Variants in TASP1 observed in about 807,000 individuals in gnomAD.
The protein encoded by TASP1 is taspase 1.
Under a neutral mutation model 56.6 loss-of-function variants are expected in TASP1, and 16 were observed. The observed-to-expected ratio is 0.28, with a 90% CI of 0.19 to 0.43. The LOEUF (loss-of-function observed/expected upper bound fraction) is 0.43. Among genes scored for constraint, TASP1 ranks in the 20% least tolerant of loss-of-function variants. The probability of loss-of-function intolerance (pLI) is 1.00; values close to 1 mark genes in which losing one functional copy is unlikely to be tolerated. For missense variants in TASP1, 393 were observed against 511.6 expected (o/e 0.77, Z 2.24); for synonymous variants, 179 against 184.2 (o/e 0.97, Z 0.23).
chr20:13,517,433 A>T (rs2044582631), intron 10 of TASP1, among the ~76,000 whole-genome samples: 1 of 152,154 alleles, frequency 6.6e-6, no homozygotes, highest in South Asian at 2.1e-4. Flanking sequence ...ATACATAAAA[A>T]TGTTCATTAT....
the TASP1 span, among the ~76,000 whole-genome samples, chr20:13,331,860 T>C: frequency 6.6e-6 from 1 of 152,196 alleles, no homozygotes; most frequent in Non-Finnish European, 1.5e-5. Flanking sequence ...CACCATGCAA[T>C]ATTCTGTGAC....
At chr20:13,220,926 CT>C in the TASP1 span, among the ~76,000 whole-genome samples, 3 of 151,778 alleles carry the variant, frequency 2.0e-5, no homozygotes, top group Non-Finnish European at 1.5e-5. Context: ...TGCACAAGGG[CT>C]CTACCCGCGC....
Position 13,496,822 on chromosome 20 carries a change from A to T in TASP1, c.875-13485T>A, listed in dbSNP as rs139778788. 3.4e-4 allele frequency among the ~76,000 whole-genome samples: 52 copies of T among 152,332 alleles called. 3 individuals carry two copies. The East Asian group carries it at 0.01, about 29-fold the overall frequency. ...CACTGTAATAACAATAGCAAGCCAG[A>T]TAAGCTACAGTCATGGGTTTTTTAA... On this transcript the variant is annotated intron_variant, in intron 10 of 13. Transcript: ENST00000337743.
chr20:13,132,785 TC>T, the TASP1 span: 1 of 152,216 alleles, frequency 6.6e-6, no homozygotes. Context: ...TGTTGGTTTC[TC>T]TCATCCTAAA....
At chr20:13,572,510 C>T (rs1001257502) in intron 6 of TASP1, among the ~76,000 whole-genome samples, 2 of 151,938 alleles carry the variant, frequency 1.3e-5, no homozygotes, top group African/African-American at 2.4e-5. Flanking sequence ...ATGGTGAAAC[C>T]CTGTCTTTAC....
At chr20:13,440,680 T>TAAA (rs34830955) in intron 11 of TASP1, among the ~76,000 whole-genome samples, 4 of 142,810 alleles carry the variant, frequency 2.8e-5, no homozygotes, top group Admixed American at 1.4e-4. Flanking sequence ...ACTGATAAGC[T>TAAA]AAAAAAAAAA....
intron 4 of TASP1, among the ~76,000 whole-genome samples, chr20:13,594,105 C>T (rs533012857): frequency 1.3e-5 from 2 of 152,290 alleles, no homozygotes; most frequent in East Asian, 3.9e-4. Flanking sequence ...GGACCTCTAG[C>T]AAATTCCAAC....
chr20:13,469,943 G>A (rs1335396294), intron 11 of TASP1, among the ~76,000 whole-genome samples: 1 of 151,284 alleles, frequency 6.6e-6, no homozygotes, highest in Non-Finnish European at 1.5e-5. Context: ...CGAGTAGCAG[G>A]AACTATAGGC....
intron 4 of TASP1, among the ~76,000 whole-genome samples, chr20:13,607,535 T>C (rs1413602655): frequency 1.3e-5 from 2 of 152,218 alleles, no homozygotes; most frequent in African/African-American, 2.4e-5. Context: ...AAAACTAGAC[T>C]GGCACATTAT....
chr20:13,181,841 T>G, the TASP1 span, among the ~76,000 whole-genome samples: 2 of 152,188 alleles, frequency 1.3e-5, no homozygotes, highest in Non-Finnish European at 2.9e-5. Context: ...CTTAATGTGT[T>G]AAGAAATGTA....
chr20:13,229,562 C>CAAACAAA, the TASP1 span, among the ~76,000 whole-genome samples: 1 of 152,142 alleles, frequency 6.6e-6, no homozygotes, highest in African/African-American at 2.4e-5. Context: ...TTTGTATATC[C>CAAACAAA]CCATCAATGG....
At chr20:13,586,954 T>C (rs140361844) in intron 5 of TASP1, among the ~76,000 whole-genome samples, 1 of 152,100 alleles carries the variant, frequency 6.6e-6, no homozygotes, top group Non-Finnish European at 1.5e-5. Context: ...TTATTTATAT[T>C]ACCTGAAATT....
At chr20:13,476,222 G>A (rs530619688) in intron 11 of TASP1, among the ~76,000 whole-genome samples, 4 of 152,128 alleles carry the variant, frequency 2.6e-5, no homozygotes, top group East Asian at 1.9e-4. Flanking sequence ...TCTCTTTTAC[G>A]TGTTTTACTT....
At chr20:13,476,116 T>A (rs2146463940) in intron 11 of TASP1, among the ~76,000 whole-genome samples, 1 of 152,256 alleles carries the variant, frequency 6.6e-6, no homozygotes, top group South Asian at 2.1e-4. Flanking sequence ...TGAAACTCCA[T>A]CTCAAATAAA....
At chr20:13,134,464 A>G in the TASP1 span, among the ~76,000 whole-genome samples, 2 of 152,192 alleles carry the variant, frequency 1.3e-5, no homozygotes, top group East Asian at 3.9e-4. Context: ...TTCATATTTC[A>G]TGATGATGGG....
chr20:13,441,809 G>T (rs1311206782), intron 11 of TASP1, among the ~76,000 whole-genome samples: 1 of 152,152 alleles, frequency 6.6e-6, no homozygotes, highest in Non-Finnish European at 1.5e-5. Flanking sequence ...CAGAAGCTGG[G>T]TCTGCAATAT....
At chr20:13,382,399 C>T in the TASP1 span, among the ~76,000 whole-genome samples, 1 of 152,184 alleles carries the variant, frequency 6.6e-6, no homozygotes, top group African/African-American at 2.4e-5. Flanking sequence ...GTAATCCTAG[C>T]ACTTTGGGAG....
chr20:13,456,545 G>A (rs1203663107), intron 11 of TASP1, among the ~76,000 whole-genome samples: 2 of 152,084 alleles, frequency 1.3e-5, no homozygotes, highest in Non-Finnish European at 2.9e-5. Context: ...ATATACTCAG[G>A]ACCCTCAGAT....
chr20:13,637,245 G>A (rs1293310640), intron 1 of TASP1, among the ~76,000 whole-genome samples: 1 of 152,140 alleles, frequency 6.6e-6, no homozygotes, highest in Non-Finnish European at 1.5e-5. Flanking sequence ...AAAGATAAGT[G>A]CTCCCAAGGA....
Sources: gnomAD v4.1 joint callset for allele counts (sites outside exome capture counted in the v4.1 genomes callset) on GRCh38, gnomAD v4.1.1 for gene constraint, MANE v1.5 for transcripts, NCBI Gene and HGNC (gene_info 2026-07-23, HGNC 2026-07-21) for gene names.